The following CLEC4D variants were observed in gnomAD, a reference collection of about 807,000 sequenced individuals.
CLEC4D encodes the protein C-type (calcium dependent, carbohydrate-recognition domain) lectin, superfamily member 8.
CLEC4D carries 21 observed loss-of-function variants against 21.1 expected under a neutral mutation model. The observed-to-expected ratio is 1.00, with a 90% CI of 0.71 to 1.43. CLEC4D has a LOEUF of 1.43. Ranked by LOEUF, CLEC4D falls within the 40% of genes most tolerant of loss-of-function variation. The pLI, the probability that CLEC4D is intolerant of heterozygous loss-of-function variation, is 0.00. For missense variants in CLEC4D, 289 were observed against 260.7 expected (o/e 1.11, Z -0.75); for synonymous variants, 85 against 83.1 (o/e 1.02, Z -0.12).
At position 8,518,171 on chromosome 12, in the gene CLEC4D, T is replaced by C. The variant is rs755532596; in HGVS notation, c.129T>C (p.His43=). ...VCFIASCLVT[H]HNFSRCKRGT... Reference sequence around the variant, plus strand: ...TGCTTTTATCCTTGACAGTGACTCATCACAACTTTTCACGCTGTAAGAGAG... The same window carrying C: ...TGCTTTTATCCTTGACAGTGACTCACCACAACTTTTCACGCTGTAAGAGAG... The change falls in exon 3 of 6, where the codon CAT becomes CAC. Residue 43 remains histidine, a synonymous_variant. Coordinates refer to ENST00000299665, the MANE Select transcript of CLEC4D (RefSeq NM_080387.5). 1 of 1,203,482 alleles carries C rather than the reference T, an allele frequency of 8.3e-7. No homozygotes were observed. Among genetic ancestry groups the C allele is most frequent in the Non-Finnish European group, 1.2e-6 (1 of 805,706 alleles). The allele number at this position is 1,203,482 out of a possible 1,614,324, so 74.6% of individuals were successfully genotyped here.
In CLEC4D at chr12:8,522,342, T is replaced by G. The variant is rs1267667415; in HGVS notation, c.*1071T>G. On this transcript the variant is annotated 3_prime_UTR_variant, in exon 6 of 6. Coordinates refer to ENST00000299665, the MANE Select transcript of CLEC4D (RefSeq NM_080387.5). ...AAAGGGCAGTCACATCCAACTTTAA[T>G]AAAATATGGTGGTCTTTCTTAAAAT... 1 of 152,174 alleles carries G rather than the reference T, an allele frequency of 6.6e-6. No individual in the cohort carries two copies. The highest frequency in any genetic ancestry group is 1.5e-5 in the Non-Finnish European group (1 of 68,002). The allele number at this position is 152,174 out of a possible 1,614,324, so 9.4% of individuals were successfully genotyped here.
chr12:8,520,042 G>C (rs1940437993), intron 4 of CLEC4D, among the ~76,000 whole-genome samples, 184 bp from the exon 5 acceptor site: 1 of 152,204 alleles, frequency 6.6e-6, no homozygotes, highest in African/African-American at 2.4e-5. Flanking sequence ...GAAGACAAGA[G>C]CACTGGGGGT....
At chr12:8,526,042 C>T (rs1591722051), downstream of CLEC4D, among the ~76,000 whole-genome samples, 1 of 152,286 alleles carries the variant, frequency 6.6e-6, no homozygotes, top group East Asian at 1.9e-4. Context: ...GGTACAGTTT[C>T]TGCTGAGAGG....
chr12:8,529,425 G>A, the CLEC4D span, among the ~76,000 whole-genome samples: 1 of 152,140 alleles, frequency 6.6e-6, no homozygotes, highest in African/African-American at 2.4e-5. Flanking sequence ...GACCAGCCTG[G>A]GCAACAAAGT....
At chr12:8,530,038 G>A in the CLEC4D span, among the ~76,000 whole-genome samples, 1 of 152,132 alleles carries the variant, frequency 6.6e-6, no homozygotes, top group Non-Finnish European at 1.5e-5. Context: ...TTTAAACAAT[G>A]TGCATATATG....
chr12:8,516,052 G>A (rs1043884353), intron 2 of CLEC4D, among the ~76,000 whole-genome samples: 3 of 152,040 alleles, frequency 2.0e-5, no homozygotes, highest in African/African-American at 7.2e-5. Context: ...ATGTTGCAGA[G>A]CCCATTGATT....
In CLEC4D at chr12:8,522,286, A is replaced by T. The variant is rs996576823; in HGVS notation, c.*1015A>T. 2 of 152,162 alleles carry T rather than the reference A, an allele frequency of 1.3e-5. No homozygotes were observed. Among genetic ancestry groups the T allele is most frequent in the African/African-American group, 4.8e-5 (2 of 41,446 alleles). 9.4% of individuals were successfully genotyped at this position (152,162 alleles called of 1,614,324 possible). A position where few individuals can be genotyped will look rare whatever the true frequency, so the allele number is the denominator to read the frequency against. The stretch of plus-strand genomic sequence containing the variant: ...GTTATTGTTTTGACAACCAGAAATT[A>T]TGCTTTTCTGGTGCATGAAACATTA... On this transcript the variant is annotated 3_prime_UTR_variant, in exon 6 of 6. Transcript: ENST00000299665.
Position 8,519,129 on chromosome 12 carries a change from A to C in CLEC4D, c.353A>C (p.His118Pro), listed in dbSNP as rs369224998. 5.0e-6 allele frequency: 8 copies of C among 1,614,104 alleles called. No individual in the cohort carries two copies. The highest frequency in any genetic ancestry group is 6.8e-6 in the Non-Finnish European group (8 of 1,179,970). Residue 118 changes from histidine (H) to proline (P), a missense_variant, in exon 4 of 6, where the codon CAT becomes CCT. Coordinates refer to ENST00000299665, the MANE Select transcript of CLEC4D (RefSeq NM_080387.5). The part of the protein sequence containing the change: ...SERNCSGMGA[H>P]LMTISTEAEQ... ...AGGAACTGTTCAGGGATGGGGGCCCATCTGATGACCATCAGCACGGAAGCT... is the reference window on the plus strand; with the variant it reads ...AGGAACTGTTCAGGGATGGGGGCCCCTCTGATGACCATCAGCACGGAAGCT...
chr12:8,531,053 C>T, the CLEC4D span, among the ~76,000 whole-genome samples: 1 of 152,204 alleles, frequency 6.6e-6, no homozygotes, highest in East Asian at 1.9e-4. Context: ...TGCTTCGGCT[C>T]AGACACCTTT....
intron 2 of CLEC4D, among the ~76,000 whole-genome samples, chr12:8,516,916 A>G (rs918102520): frequency 1.2e-4 from 18 of 152,366 alleles, no homozygotes; most frequent in African/African-American, 3.8e-4. Context: ...TACAGCAATG[A>G]CAATGGATGA....
chr12:8,526,517 G>C (rs1326721453), downstream of CLEC4D, among the ~76,000 whole-genome samples: 1 of 152,122 alleles, frequency 6.6e-6, no homozygotes, highest in East Asian at 1.9e-4. Flanking sequence ...TTTTCATGCT[G>C]TGTTTTTCAG....
chr12:8,520,389 G>A (rs1565492592), intron 5 of CLEC4D, 48 bp downstream of exon 5: 1 of 1,582,774 alleles, frequency 6.3e-7, no homozygotes, highest in Non-Finnish European at 8.6e-7. Flanking sequence ...AAGGTTAGAA[G>A]ATGGTAGCAA....
At chr12:8,531,338 T>A in the CLEC4D span, among the ~76,000 whole-genome samples, 1 of 152,060 alleles carries the variant, frequency 6.6e-6, no homozygotes, top group East Asian at 1.9e-4. Context: ...ATTTTAGGAG[T>A]CATTATCAGG....
chr12:8,521,463 T>C lies in CLEC4D; in HGVS notation c.*192T>C. 2 of 1,212,466 alleles carry C rather than the reference T, an allele frequency of 1.6e-6. No homozygotes were observed. Among genetic ancestry groups the C allele is most frequent in the South Asian group, 2.3e-5 (1 of 43,240 alleles). 75.1% of individuals were successfully genotyped at this position (1,212,466 alleles called of 1,614,324 possible). The stretch of plus-strand genomic sequence containing the variant: ...GTATGTGTGTGTGTGTGTGTGTAGA[T>C]AATGTGGTTTTTGTATGGTGTTTGA... On this transcript the variant is annotated 3_prime_UTR_variant, in exon 6 of 6. Transcript: ENST00000299665.
chr12:8,524,772 T>C (rs1450819052), downstream of CLEC4D, among the ~76,000 whole-genome samples: 2 of 152,200 alleles, frequency 1.3e-5, no homozygotes, highest in African/African-American at 4.8e-5. Context: ...GCTTCTTTAG[T>C]CCTTTTAATT....
chr12:8,520,194 G>T (rs763224412), intron 4 of CLEC4D, 32 bp from the exon 5 acceptor site: 1 of 1,608,282 alleles, frequency 6.2e-7, no homozygotes, highest in Non-Finnish European at 8.5e-7. Context: ...CCTGATTCAT[G>T]CAACTATATT....
chr12:8,520,395 A>T, intron 5 of CLEC4D, 54 bp downstream of exon 5: 1 of 1,577,806 alleles, frequency 6.3e-7, no homozygotes, highest in Non-Finnish European at 8.6e-7. Flanking sequence ...AGAAGATGGT[A>T]GCAAGAAACA....
At chr12:8,519,553 C>T (rs1940430488) in intron 4 of CLEC4D, among the ~76,000 whole-genome samples, 1 of 152,178 alleles carries the variant, frequency 6.6e-6, no homozygotes, top group Non-Finnish European at 1.5e-5. Context: ...CACCTTTGCG[C>T]TTCCAATGTC....
chr12:8,524,680 TTCATGTC>T (rs1258446650), downstream of CLEC4D, among the ~76,000 whole-genome samples: 3 of 152,314 alleles, frequency 2.0e-5, no homozygotes, highest in Non-Finnish European at 4.4e-5. Flanking sequence ...TGGAGGGTTT[TTCATGTC>T]TCTATTCTCC....
Sources: gnomAD v4.1 joint callset for allele counts (sites outside exome capture counted in the v4.1 genomes callset) on GRCh38, gnomAD v4.1.1 for gene constraint, MANE v1.5 for transcripts, NCBI Gene and HGNC (gene_info 2026-07-23, HGNC 2026-07-21) for gene names.